Variants in FGF6 observed in about 807,000 individuals in gnomAD.
FGF6 encodes FGF-6.
In FGF6, 14 loss-of-function variants were observed where a neutral mutation model predicts 18.4. The observed-to-expected ratio is 0.76, with a 90% confidence interval of 0.50 to 1.19. The LOEUF (loss-of-function observed/expected upper bound fraction) is 1.19. Among genes scored for constraint, FGF6 ranks in the 50% most tolerant of loss-of-function variants. FGF6 has a pLI of 0.00. For missense variants in FGF6, 266 were observed against 271.6 expected, an observed-to-expected ratio of 0.98 and a Z score of 0.15; for synonymous variants, 125 against 116.7, an observed-to-expected ratio of 1.07 and a Z score of -0.46.
Position 4,436,663 on chromosome 12 carries a change from G to A in FGF6, c.451-2272C>T, listed in dbSNP as rs569934355. Among the ~76,000 whole-genome samples, 34 of 152,208 alleles carry A rather than the reference G, an allele frequency of 2.2e-4. 2 individuals are homozygous for A. In the South Asian group the frequency reaches 7.1e-3, roughly 32 times the overall value. Reference sequence around the variant, plus strand: ...TAAGGACAGCACAGAAACATAAGGAGACCCCTGCATGGGTGGCTCTTTCAA... The same window carrying A: ...TAAGGACAGCACAGAAACATAAGGAAACCCCTGCATGGGTGGCTCTTTCAA... On this transcript the variant is annotated intron_variant, in intron 2 of 2. Coordinates refer to ENST00000228837, the MANE Select transcript of FGF6 (RefSeq NM_020996.3).
chr12:4,445,102 G>C lies in FGF6; in HGVS notation c.346+123C>G. 1.2e-6 allele frequency: 1 copy of C among 824,350 alleles called. No individual in the cohort carries two copies. The highest frequency in any genetic ancestry group is 1.7e-5 in the South Asian group (1 of 57,850). 51.1% of individuals were successfully genotyped at this position (824,350 alleles called of 1,614,324 possible). A position where few individuals can be genotyped will look rare whatever the true frequency, so the allele number is the denominator to read the frequency against. ...CAGGGTCACGTGGAATCATCTAAGTGGTGAGCAGCATTTCTGCCCCCTTTA... is the reference window on the plus strand; with the variant it reads ...CAGGGTCACGTGGAATCATCTAAGTCGTGAGCAGCATTTCTGCCCCCTTTA... On this transcript the variant is annotated intron_variant, in intron 1 of 2. Transcript: ENST00000228837. The surrounding 1 kb of genome is among the most constrained non-coding windows in gnomAD (Gnocchi z 5.5).
chr12:4,439,504 A>G (rs1407138051), intron 2 of FGF6, among the ~76,000 whole-genome samples: 2 of 152,150 alleles, frequency 1.3e-5, no homozygotes, highest in Non-Finnish European at 2.9e-5. Context: ...CGTGCCTAGA[A>G]TGTGCCCATT....
intron 2 of FGF6, among the ~76,000 whole-genome samples, chr12:4,440,154 C>T (rs966107219): frequency 6.6e-6 from 1 of 152,200 alleles, no homozygotes; most frequent in African/African-American, 2.4e-5. Context: ...TCCACTGGGT[C>T]ACATTTCCTG....
At chr12:4,442,012 G>GAGAATCTCCCTCCCTGGAGA (rs1865697826) in intron 2 of FGF6, among the ~76,000 whole-genome samples, 1 of 151,824 alleles carries the variant, frequency 6.6e-6, no homozygotes, top group Admixed American at 6.6e-5. Context: ...GTCCAGGGAG[G>GAGAATCTCCCTCCCTGGAGA]AGAATCTCCC....
intron 2 of FGF6, among the ~76,000 whole-genome samples, chr12:4,437,089 C>T (rs971682816): frequency 2.0e-5 from 3 of 151,312 alleles, no homozygotes; most frequent in African/African-American, 2.5e-5. Flanking sequence ...ACCTCTAAAG[C>T]TTCAATTCCC....
In FGF6 at chr12:4,445,745, C is replaced by T. The variant is rs894709019; in HGVS notation, c.-175G>A. On this transcript the variant is annotated 5_prime_UTR_variant, in exon 1 of 3. Coordinates refer to ENST00000228837, the MANE Select transcript of FGF6 (RefSeq NM_020996.3). This position sits in a 1 kb window ranked among gnomAD's most constrained non-coding sequence, Gnocchi z 5.5. ...CGGGTTGAGAGCAGAGGGACCCAGG[C>T]TGAGCCGCGGCCGGTAGAGACCATG... 5 of 608,780 alleles carry T rather than the reference C, an allele frequency of 8.2e-6. No homozygotes were observed. Among genetic ancestry groups the T allele is most frequent in the Non-Finnish European group, 1.4e-5 (5 of 348,506 alleles). 37.7% of individuals were successfully genotyped at this position (608,780 alleles called of 1,614,324 possible).
Position 4,434,337 on chromosome 12 carries a change from T to G in FGF6, c.505A>C (p.Asn169His). The G allele has an allele frequency of 6.2e-7, 1 of 1,614,102 alleles. No individual in the cohort carries two copies. Among genetic ancestry groups the G allele is most frequent in the African/African-American group, 1.3e-5 (1 of 75,018 alleles). ...TGGTACAAGTCTGACTCGTAGGCAT[T>G]GTAATTGTTGGGCAGGAGGGTTTCT... ...FRETLLPNNY[N>H]AYESDLYQGT... Residue 169 changes from asparagine (N) to histidine (H), a missense_variant, in exon 3 of 3, where the codon AAT becomes CAT. Transcript: ENST00000228837.
In FGF6 at chr12:4,445,273, C is replaced by T; in HGVS notation, c.298G>A (p.Val100Met). Residue 100 changes from valine to methionine, a missense_variant, in exon 1 of 3, where the codon GTG (valine) becomes ATG (methionine). Val to Met is a conservative substitution (Grantham distance 21, BLOSUM62 1). Transcript: ENST00000228837. The surrounding 1 kb of genome is among the most constrained non-coding windows in gnomAD (Gnocchi z 5.5). Reference sequence around the variant, plus strand: ...CCGCTGATCCGGCCGTCGGGGAGCACCTGGAGGTGAAAGCCGATGCCCACG... The same window carrying T: ...CCGCTGATCCGGCCGTCGGGGAGCATCTGGAGGTGAAAGCCGATGCCCACG... ...CNVGIGFHLQ[V>M]LPDGRISGTH... The T allele has an allele frequency of 6.2e-7, 1 of 1,614,012 alleles. No individual in the cohort carries two copies. The highest frequency in any genetic ancestry group is 8.5e-7 in the Non-Finnish European group (1 of 1,180,028).
At chr12:4,435,409 G>A (rs371708190) in intron 2 of FGF6, among the ~76,000 whole-genome samples, 88 of 152,282 alleles carry the variant, frequency 5.8e-4, no homozygotes, top group African/African-American at 2.0e-3. Flanking sequence ...ACTAATGCCT[G>A]ATGATCTGAG....
chr12:4,444,024 T>G, intron 2 of FGF6, 109 bp downstream of exon 2: 1 of 710,732 alleles, frequency 1.4e-6, no homozygotes, highest in Non-Finnish European at 2.4e-6. Context: ...CAGCCTTTCC[T>G]TTCCCATTTA....
In FGF6 at chr12:4,435,180, C is replaced by T. The variant is rs139929069; in HGVS notation, c.451-789G>A. ...CAGGCTGCAGACCCATACCAGTCAGCGGCCCATACCCGTGCGGGACCTGGG... is the reference window on the plus strand; with the variant it reads ...CAGGCTGCAGACCCATACCAGTCAGTGGCCCATACCCGTGCGGGACCTGGG... On this transcript the variant is annotated intron_variant, in intron 2 of 2. Transcript: ENST00000228837. 4.6e-5 allele frequency among the ~76,000 whole-genome samples: 7 copies of T among 152,254 alleles called. No homozygotes were observed. The East Asian group carries it at 7.7e-4, about 17-fold the overall frequency.
chr12:4,437,141 A>ACACAAATAATGCTT lies in FGF6; in HGVS notation c.451-2751_451-2750insAAGCATTATTTGTG, dbSNP rs1424012979. ...AACAGTAAGAAAAATTGTGTCATAGAACTGGAGTAAGCATTAATTGAAATT... is the reference window on the plus strand; with the variant it reads ...AACAGTAAGAAAAATTGTGTCATAGACACAAATAATGCTTACTGGAGTAAGCATTAATTGAAATT... On this transcript the variant is annotated intron_variant, in intron 2 of 2. Coordinates refer to ENST00000228837, the MANE Select transcript of FGF6 (RefSeq NM_020996.3). Among the ~76,000 whole-genome samples, 834 of 152,334 alleles carry ACACAAATAATGCTT rather than the reference A, an allele frequency of 5.5e-3. 10 individuals carry two copies. The highest frequency in any genetic ancestry group is 0.019 in the African/African-American group (797 of 41,572).
rs1263983022 is a variant in FGF6 at position 4,445,103 on chromosome 12, G to T, written c.346+122C>A. ...AGGGTCACGTGGAATCATCTAAGTG[G>T]TGAGCAGCATTTCTGCCCCCTTTAT... On this transcript the variant is annotated intron_variant, in intron 1 of 2. Transcript: ENST00000228837. The surrounding 1 kb of genome is among the most constrained non-coding windows in gnomAD (Gnocchi z 5.5). 8.4e-6 allele frequency: 7 copies of T among 835,008 alleles called. No individual in the cohort carries two copies. The African/African-American group carries it at 1.0e-4, about 12-fold the overall frequency. 51.7% of individuals were successfully genotyped at this position (835,008 alleles called of 1,614,324 possible).
chr12:4,444,185 A>T lies in FGF6; in HGVS notation c.398T>A (p.Val133Glu). The T allele has an allele frequency of 6.2e-7, 1 of 1,613,792 alleles. No individual in the cohort carries two copies. The highest frequency in any genetic ancestry group is 8.5e-7 in the Non-Finnish European group (1 of 1,179,868). ...CATGGCAACGAAGAGGGCACTTCTC[A>T]CTCCAAAGAGACTCACCACGCCTCG... ...VERGVVSLFGVRSALFVAMNS... is the reference protein window; with the variant it reads ...VERGVVSLFGERSALFVAMNS... The change falls in exon 2 of 3, where the codon GTG (valine) becomes GAG (glutamate). Residue 133 changes from valine to glutamate, a missense_variant. By Grantham distance (121) the Val-to-Glu change is moderately radical. Transcript: ENST00000228837.
chr12:4,441,540 G>T (rs1159516467), intron 2 of FGF6, among the ~76,000 whole-genome samples: 2 of 152,134 alleles, frequency 1.3e-5, no homozygotes, highest in African/African-American at 4.8e-5. Flanking sequence ...GTCTAAAGGG[G>T]GGCCTGGCAA....
intron 2 of FGF6, among the ~76,000 whole-genome samples, chr12:4,435,430 T>A (rs1865616987): frequency 6.6e-6 from 1 of 152,108 alleles, no homozygotes; most frequent in South Asian, 2.1e-4. Context: ...GTGGAACAGT[T>A]TCATCCCCAA....
At chr12:4,438,406 T>C (rs1325371554) in intron 2 of FGF6, among the ~76,000 whole-genome samples, 1 of 152,162 alleles carries the variant, frequency 6.6e-6, no homozygotes, top group Non-Finnish European at 1.5e-5. Context: ...CTTACTGATA[T>C]ATTCCCACAC....
At chr12:4,440,895 T>C (rs990874627) in intron 2 of FGF6, among the ~76,000 whole-genome samples, 6 of 151,552 alleles carry the variant, frequency 4.0e-5, no homozygotes, top group Non-Finnish European at 8.8e-5. Flanking sequence ...CCCCAGATAA[T>C]AATGTAATGC....
intron 1 of FGF6, 148 bp from the exon 2 acceptor site, chr12:4,444,384 A>T (rs1865732033): frequency 6.6e-6 from 4 of 605,068 alleles, no homozygotes; most frequent in Non-Finnish European, 8.8e-6. Flanking sequence ...ACTCTAGGAG[A>T]CCCTGGCTGC....
Sources: gnomAD v4.1 joint callset for allele counts (sites outside exome capture counted in the v4.1 genomes callset) on GRCh38, gnomAD v4.1.1 for gene constraint, Gnocchi (gnomAD v3.1) non-coding constraint, MANE v1.5 for transcripts, NCBI Gene and HGNC (gene_info 2026-07-23, HGNC 2026-07-21) for gene names.